Variants in VPS54 observed in about 807,000 individuals in gnomAD.
The protein encoded by VPS54 is VPS54 subunit of GARP complex.
VPS54 carries 45 observed loss-of-function variants against 121.5 expected under a neutral mutation model. The observed-to-expected ratio is 0.37, with a 90% CI of 0.29 to 0.47. The LOEUF (loss-of-function observed/expected upper bound fraction) is 0.47. VPS54 is among the 20% of genes least tolerant of loss of function. The pLI, the probability that VPS54 is intolerant of heterozygous loss-of-function variation, is 0.99. For missense variants in VPS54, 1,090 were observed against 1,131.4 expected, an observed-to-expected ratio of 0.96 and a Z score of 0.52; for synonymous variants, 371 against 385.8, an observed-to-expected ratio of 0.96 and a Z score of 0.45.
intron 20 of VPS54, among the ~76,000 whole-genome samples, chr2:63,901,142 G>A (rs1023224492): frequency 3.3e-5 from 5 of 152,066 alleles, no homozygotes; most frequent in East Asian, 1.9e-4. Context: ...AAAACTTTTC[G>A]GTTCTACTTT....
intron 12 of VPS54, among the ~76,000 whole-genome samples, chr2:63,927,124 T>A (rs1673942493): frequency 6.6e-5 from 10 of 152,114 alleles, no homozygotes; most frequent in Admixed American, 6.5e-4. Flanking sequence ...GACTTAAACA[T>A]CCCTGCCTGA....
intron 22 of VPS54, among the ~76,000 whole-genome samples, chr2:63,895,023 T>G (rs1469651944): frequency 1.3e-5 from 2 of 152,204 alleles, no homozygotes; most frequent in African/African-American, 2.4e-5. Context: ...AATACCATTT[T>G]AAAAATACAA....
chr2:63,965,668 C>T (rs1411422621), intron 6 of VPS54, among the ~76,000 whole-genome samples, 167 bp downstream of exon 6: 1 of 151,962 alleles, frequency 6.6e-6, no homozygotes, highest in Non-Finnish European at 1.5e-5. Flanking sequence ...TCCATTGAAC[C>T]AAAATGCTGT....
chr2:63,899,988 A>G (rs577953777), intron 20 of VPS54, among the ~76,000 whole-genome samples: 2 of 152,340 alleles, frequency 1.3e-5, no homozygotes, highest in South Asian at 4.1e-4. Flanking sequence ...TAAGTACTCA[A>G]AAAATTGTTA....
chr2:63,934,637 C>G (rs2104488312), intron 11 of VPS54, among the ~76,000 whole-genome samples: 2 of 152,208 alleles, frequency 1.3e-5, no homozygotes, highest in African/African-American at 4.8e-5. Context: ...CTCCACCCAG[C>G]AACTCTATCC....
chr2:63,965,049 A>C lies in VPS54; in HGVS notation c.624+786T>G, dbSNP rs1340439628. ...TAACATGTAAAAGACTAGGCTTTGC[A>C]AAGCTACAAAAACAATAGGAATATT... On this transcript the variant is annotated intron_variant, in intron 6 of 22. Coordinates refer to ENST00000272322, the MANE Select transcript of VPS54 (RefSeq NM_016516.3). Among the ~76,000 whole-genome samples the C allele has an allele frequency of 2.0e-5, 3 of 152,254 alleles. No individual in the cohort carries two copies. In the East Asian group the frequency reaches 5.8e-4, roughly 29 times the overall value.
intron 22 of VPS54, among the ~76,000 whole-genome samples, chr2:63,894,576 A>G (rs761507116): frequency 3.2e-4 from 49 of 151,890 alleles, no homozygotes; most frequent in Admixed American, 1.6e-3. Flanking sequence ...GGTGCCACAC[A>G]CCTGTAGTCG....
chr2:63,988,896 A>G (rs1031653317), intron 1 of VPS54, among the ~76,000 whole-genome samples: 5 of 152,328 alleles, frequency 3.3e-5, no homozygotes, highest in Admixed American at 2.0e-4. Flanking sequence ...GGACAGAGCC[A>G]TATTTCTCTT....
intron 1 of VPS54, among the ~76,000 whole-genome samples, chr2:64,014,989 T>A (rs1470190483): frequency 3.9e-5 from 6 of 152,130 alleles, no homozygotes; most frequent in Admixed American, 3.3e-4. Flanking sequence ...AAGCTTGGAA[T>A]TTTTCTGGAC....
chr2:63,900,757 TTTTG>T (rs977740057), intron 20 of VPS54, among the ~76,000 whole-genome samples: 21 of 151,484 alleles, frequency 1.4e-4, no homozygotes, highest in Non-Finnish European at 2.2e-4. Flanking sequence ...ATCTGGTTTT[TTTTG>T]TTTGTTTTTT....
At chr2:63,952,568 A>G (rs1675302646) in intron 7 of VPS54, among the ~76,000 whole-genome samples, 1 of 152,202 alleles carries the variant, frequency 6.6e-6, no homozygotes, top group South Asian at 2.1e-4. Context: ...TTTTGGGTAG[A>G]TGCATTATTC....
chr2:63,992,545 C>CA (rs1349506484), intron 1 of VPS54, among the ~76,000 whole-genome samples: 2 of 152,240 alleles, frequency 1.3e-5, no homozygotes, highest in East Asian at 3.8e-4. Flanking sequence ...GGAAATCTGA[C>CA]ACACCCATTT....
chr2:64,014,918 G>T (rs544835800), intron 1 of VPS54, among the ~76,000 whole-genome samples: 1 of 152,140 alleles, frequency 6.6e-6, no homozygotes, highest in East Asian at 1.9e-4. Context: ...AACAAATTAA[G>T]CTTGTTAAAA....
chr2:64,017,714 G>T (rs1259524523), intron 1 of VPS54, among the ~76,000 whole-genome samples: 1 of 152,134 alleles, frequency 6.6e-6, no homozygotes, highest in Non-Finnish European at 1.5e-5. Flanking sequence ...TCCTCAGACT[G>T]CCTCTTAGAT....
rs145359316 is a variant in VPS54 at position 63,997,781 on chromosome 2, A to G, written c.-20-13762T>C. On this transcript the variant is annotated intron_variant, in intron 1 of 22. Coordinates refer to ENST00000272322, the MANE Select transcript of VPS54 (RefSeq NM_016516.3). ...TTGCTTTTCCCTTTCTTTAAAATCC[A>G]TCATTAGGTTTTTATTTAAAGTTTT... Among the ~76,000 whole-genome samples, 188 of 151,488 alleles carry G rather than the reference A, an allele frequency of 1.2e-3. 2 individuals are homozygous for G. Among genetic ancestry groups the G allele is most frequent in the Non-Finnish European group, 2.2e-3 (151 of 67,892 alleles).
intron 20 of VPS54, among the ~76,000 whole-genome samples, chr2:63,905,623 C>A (rs1310460105): frequency 6.6e-6 from 1 of 151,870 alleles, no homozygotes; most frequent in Non-Finnish European, 1.5e-5. Flanking sequence ...AATACCAACT[C>A]CCCACAAATT....
chr2:63,954,256 G>C (rs935280175), intron 7 of VPS54, among the ~76,000 whole-genome samples: 1 of 152,050 alleles, frequency 6.6e-6, no homozygotes, highest in Non-Finnish European at 1.5e-5. Flanking sequence ...ATGTCAAAAA[G>C]ACTCAAGAAT....
intron 20 of VPS54, among the ~76,000 whole-genome samples, chr2:63,910,761 A>C (rs1307836577): frequency 6.6e-6 from 1 of 152,248 alleles, no homozygotes; most frequent in Non-Finnish European, 1.5e-5. Flanking sequence ...GTAAGTTGTC[A>C]TAGGAAAAAG....
chr2:63,950,276 C>T (rs1185405849), intron 7 of VPS54, among the ~76,000 whole-genome samples: 3 of 152,152 alleles, frequency 2.0e-5, no homozygotes, highest in South Asian at 4.1e-4. Flanking sequence ...TCCAGACTTT[C>T]GTGATGTTCT....
Sources: allele counts gnomAD v4.1 joint callset (sites outside exome capture counted in the v4.1 genomes callset), GRCh38; gene constraint gnomAD v4.1.1; transcripts MANE v1.5; gene names NCBI Gene and HGNC (gene_info 2026-07-23, HGNC 2026-07-21).